The following ZNF475 variants were observed in gnomAD, a reference collection of about 807,000 sequenced individuals.
The protein encoded by ZNF475 is zinc finger protein 475.
chr5:122,164,700 G>T, the ZNF475 span, among the ~76,000 whole-genome samples: 1 of 152,124 alleles, frequency 6.6e-6, no homozygotes, highest in Admixed American at 6.5e-5. Context: ...AATTTTTAAG[G>T]ACCAAAAGTC....
chr5:122,182,096 T>C, the ZNF475 span, among the ~76,000 whole-genome samples: 2 of 152,232 alleles, frequency 1.3e-5, no homozygotes, highest in African/African-American at 4.8e-5. Context: ...TGTAAGCTTA[T>C]ATTTAGAGTC....
the ZNF475 span, among the ~76,000 whole-genome samples, chr5:122,181,783 C>T: frequency 5.3e-5 from 8 of 152,126 alleles, no homozygotes; most frequent in African/African-American, 1.9e-4. Flanking sequence ...AGCTAAATGC[C>T]ACATTGTTTC....
At chr5:122,160,713 G>A in the ZNF475 span, among the ~76,000 whole-genome samples, 54 of 152,200 alleles carry the variant, frequency 3.5e-4, no homozygotes, top group African/African-American at 8.9e-4. Flanking sequence ...TTATTTAGGC[G>A]TAAAATGAAC....
chr5:122,170,347 T>G, the ZNF475 span, among the ~76,000 whole-genome samples: 16 of 152,262 alleles, frequency 1.1e-4, no homozygotes, highest in South Asian at 3.1e-3. Flanking sequence ...GGACGCCAGG[T>G]TACTCACACT....
the ZNF475 span, among the ~76,000 whole-genome samples, chr5:122,176,307 C>T: frequency 6.6e-6 from 1 of 151,648 alleles, no homozygotes; most frequent in East Asian, 1.9e-4. Context: ...CATTTTTTTT[C>T]TGTGTGAATA....
the ZNF475 span, among the ~76,000 whole-genome samples, chr5:122,176,346 C>T: frequency 3.3e-5 from 5 of 152,028 alleles, no homozygotes; most frequent in African/African-American, 9.7e-5. Flanking sequence ...ACTGAATTTG[C>T]AGGCCTGTAT....
the ZNF475 span, among the ~76,000 whole-genome samples, chr5:122,167,461 T>C: frequency 6.6e-6 from 1 of 152,230 alleles, no homozygotes; most frequent in Non-Finnish European, 1.5e-5. Flanking sequence ...GGAGATAAAT[T>C]AAAGAGTTTA....
chr5:122,169,917 G>T, the ZNF475 span, among the ~76,000 whole-genome samples: 49 of 152,258 alleles, frequency 3.2e-4, no homozygotes, highest in East Asian at 6.8e-3. Context: ...GTAAAAGCTG[G>T]ATTTAGGATT....
the ZNF475 span, among the ~76,000 whole-genome samples, chr5:122,169,010 G>T: frequency 6.6e-6 from 1 of 152,158 alleles, no homozygotes; most frequent in African/African-American, 2.4e-5. Flanking sequence ...AACATGTTGC[G>T]ACCTTCAACT....
the ZNF475 span, among the ~76,000 whole-genome samples, chr5:122,166,321 G>C: frequency 6.6e-6 from 1 of 151,930 alleles, no homozygotes; most frequent in South Asian, 2.1e-4. Context: ...TATGTTGGAA[G>C]ATAAGAAACT....
chr5:122,172,845 A>G, the ZNF475 span, among the ~76,000 whole-genome samples: 1 of 152,136 alleles, frequency 6.6e-6, no homozygotes, highest in Admixed American at 6.5e-5. Context: ...CACCCTGGCT[A>G]TCACGGTGAA....
the ZNF475 span, among the ~76,000 whole-genome samples, chr5:122,180,656 A>G: frequency 6.6e-6 from 1 of 152,180 alleles, no homozygotes; most frequent in Non-Finnish European, 1.5e-5. Flanking sequence ...CAATTCATCC[A>G]TTCTCCTATG....
the ZNF475 span, among the ~76,000 whole-genome samples, chr5:122,169,688 T>C: frequency 6.6e-6 from 1 of 152,066 alleles, no homozygotes; most frequent in South Asian, 2.1e-4. Flanking sequence ...GTGGAGATAG[T>C]TGAGAAGATG....
the ZNF475 span, chr5:122,163,087 T>C: frequency 6.6e-6 from 1 of 152,084 alleles, no homozygotes; most frequent in Non-Finnish European, 1.5e-5. Flanking sequence ...CCATAAGAGG[T>C]TGGAATGAGA....
chr5:122,160,242 T>A, the ZNF475 span: 1 of 1,289,650 alleles, frequency 7.8e-7, no homozygotes, highest in African/African-American at 1.5e-5. Context: ...GGCTCTCACA[T>A]CGACAGACCA....
chr5:122,177,871 T>A, the ZNF475 span, among the ~76,000 whole-genome samples: 1 of 152,108 alleles, frequency 6.6e-6, no homozygotes, highest in African/African-American at 2.4e-5. Flanking sequence ...CATTAGGTAT[T>A]TCTCGTAATG....
At chr5:122,165,936 A>C in the ZNF475 span, among the ~76,000 whole-genome samples, 1 of 152,230 alleles carries the variant, frequency 6.6e-6, no homozygotes, top group Non-Finnish European at 1.5e-5. Flanking sequence ...AAATGACCTC[A>C]TCAAAAAGAA....
At chr5:122,170,397 C>T in the ZNF475 span, among the ~76,000 whole-genome samples, 1 of 152,196 alleles carries the variant, frequency 6.6e-6, no homozygotes, top group African/African-American at 2.4e-5. Flanking sequence ...CCATGATCCT[C>T]CCTTCACGCT....
chr5:122,182,542 C>T, the ZNF475 span: 1 of 1,534,850 alleles, frequency 6.5e-7, no homozygotes. Context: ...TGGACAAGTG[C>T]CCACAGCCAG....
Sources: allele counts gnomAD v4.1 joint callset (sites outside exome capture counted in the v4.1 genomes callset), GRCh38; gene constraint gnomAD v4.1.1; transcripts MANE v1.5; gene names NCBI Gene and HGNC (gene_info 2026-07-23, HGNC 2026-07-21).